The following BCAT1 variants were observed in gnomAD, a reference collection of about 807,000 sequenced individuals.
BCAT1 encodes the protein branched chain amino acid transaminase 1, also known as branched-chain-amino-acid aminotransferase, cytosolic.
A neutral mutation model predicts 52.4 loss-of-function variants in BCAT1; 48 were observed. The observed-to-expected ratio is 0.92, with a 90% CI of 0.73 to 1.16. The LOEUF (loss-of-function observed/expected upper bound fraction) is 1.16. Among genes scored for constraint, BCAT1 ranks in the 50% most tolerant of loss-of-function variants. The pLI, the probability that BCAT1 is intolerant of heterozygous loss-of-function variation, is 0.00. For synonymous variants in BCAT1, 167 were observed against 161.3 expected (o/e 1.04, Z -0.27); for missense variants, 451 against 457.1 (o/e 0.99, Z 0.12).
intron 4 of BCAT1, among the ~76,000 whole-genome samples, chr12:24,879,974 G>A (rs1339691129): frequency 2.6e-5 from 4 of 152,120 alleles, no homozygotes; most frequent in African/African-American, 9.7e-5. Flanking sequence ...CAGTGATCTA[G>A]CTGTAATGAG....
At chr12:24,886,799 C>G (rs1942673117) in intron 3 of BCAT1, among the ~76,000 whole-genome samples, 1 of 148,832 alleles carries the variant, frequency 6.7e-6, no homozygotes. Context: ...GAGTTCAACA[C>G]CAGCCTGGGC....
intron 5 of BCAT1, among the ~76,000 whole-genome samples, chr12:24,853,070 G>A (rs1941562064): frequency 6.6e-6 from 1 of 152,104 alleles, no homozygotes; most frequent in East Asian, 1.9e-4. Context: ...CTTCTAGCCT[G>A]AAAAGCAATC....
At chr12:24,891,154 C>G (rs1278241168) in intron 3 of BCAT1, among the ~76,000 whole-genome samples, 1 of 152,154 alleles carries the variant, frequency 6.6e-6, no homozygotes, top group Non-Finnish European at 1.5e-5. Flanking sequence ...CTGACACATA[C>G]AGATTTTGGG....
At chr12:24,908,964 A>T (rs554941348) in intron 1 of BCAT1, among the ~76,000 whole-genome samples, 11 of 152,302 alleles carry the variant, frequency 7.2e-5, no homozygotes, top group African/African-American at 2.4e-4. Flanking sequence ...CAACATGAAG[A>T]TATCTATAAA....
chr12:24,889,758 G>A (rs1591843095), intron 3 of BCAT1, among the ~76,000 whole-genome samples: 1 of 152,158 alleles, frequency 6.6e-6, no homozygotes, highest in Non-Finnish European at 1.5e-5. Context: ...CGGAGGCAGA[G>A]GCGGGAGGCT....
At chr12:24,876,260 T>TAAAAA (rs71448093) in intron 5 of BCAT1, among the ~76,000 whole-genome samples, 16 of 109,670 alleles carry the variant, frequency 1.5e-4, no homozygotes, top group South Asian at 3.2e-4. Context: ...GAGGGAGATG[T>TAAAAA]AAAAAAAAAA....
rs1173685560 is a variant in BCAT1 at position 24,814,664 on chromosome 12, A to G, written c.*3344T>C. ...GCTTAGGTAAATTTTATGAAGCAAC[A>G]AAACTAATATGGTGAAGAATTTTAA... On this transcript the variant is annotated 3_prime_UTR_variant, in exon 11 of 11. Coordinates refer to ENST00000261192, the MANE Select transcript of BCAT1 (RefSeq NM_005504.7). 6.6e-6 allele frequency: 1 copy of G among 152,160 alleles called. No homozygotes were observed. Among genetic ancestry groups the G allele is most frequent in the Non-Finnish European group, 1.5e-5 (1 of 68,020 alleles). 9.4% of individuals were successfully genotyped at this position (152,160 alleles called of 1,614,324 possible). A position where few individuals can be genotyped will look rare whatever the true frequency, so the allele number is the denominator to read the frequency against.
chr12:24,909,468 G>A (rs936231222), intron 1 of BCAT1, among the ~76,000 whole-genome samples: 4 of 152,168 alleles, frequency 2.6e-5, no homozygotes, highest in East Asian at 1.9e-4. Flanking sequence ...TGCCTAGGAC[G>A]GTAGTAACAA....
intron 8 of BCAT1, chr12:24,834,366 G>A (rs1315208074): frequency 1.0e-6 from 1 of 984,922 alleles, no homozygotes; most frequent in Admixed American, 6.1e-5. Flanking sequence ...TTCTGCCAAA[G>A]TGTTTGAATA....
intron 5 of BCAT1, among the ~76,000 whole-genome samples, chr12:24,856,666 A>C (rs984241188): frequency 6.6e-6 from 1 of 152,136 alleles, no homozygotes; most frequent in Non-Finnish European, 1.5e-5. Flanking sequence ...CTCATCTTGG[A>C]CTTCTAGACT....
At chr12:24,852,951 A>C (rs1169271946) in intron 5 of BCAT1, among the ~76,000 whole-genome samples, 2 of 152,244 alleles carry the variant, frequency 1.3e-5, no homozygotes, top group African/African-American at 4.8e-5. Context: ...CAGTGCTTTA[A>C]GACAATGAAT....
intron 7 of BCAT1, among the ~76,000 whole-genome samples, chr12:24,836,903 A>T (rs1940967661): frequency 2.5e-5 from 1 of 40,774 alleles, no homozygotes; most frequent in Non-Finnish European, 5.0e-5. Flanking sequence ...GAAAGAAAAG[A>T]AAGAGAGAAA....
In BCAT1 at chr12:24,898,082, G is replaced by T. The variant is rs369503925; in HGVS notation, c.79-3607C>A. Among the ~76,000 whole-genome samples, 18 of 152,244 alleles carry T rather than the reference G, an allele frequency of 1.2e-4. No homozygotes were observed. The East Asian group carries it at 2.7e-3, about 23-fold the overall frequency. ...GCTGAAGACATGTGACTCGTTTGGG[G>T]CAGATATGAAATGTAGTTTTAAGGG... On this transcript the variant is annotated intron_variant, in intron 2 of 10. Coordinates refer to ENST00000261192, the MANE Select transcript of BCAT1 (RefSeq NM_005504.7).
chr12:24,921,822 C>G (rs1409327261), intron 1 of BCAT1, among the ~76,000 whole-genome samples: 1 of 152,192 alleles, frequency 6.6e-6, no homozygotes, highest in Non-Finnish European at 1.5e-5. Flanking sequence ...CCTGCTCCTT[C>G]CTCACCTCTG....
intron 5 of BCAT1, among the ~76,000 whole-genome samples, chr12:24,868,849 C>G (rs959081598): frequency 6.6e-6 from 1 of 152,198 alleles, no homozygotes; most frequent in Non-Finnish European, 1.5e-5. Flanking sequence ...AAGCAAGACA[C>G]AGACACAGAA....
At chr12:24,879,841 G>A (rs1353373644) in intron 4 of BCAT1, among the ~76,000 whole-genome samples, 1 of 152,132 alleles carries the variant, frequency 6.6e-6, no homozygotes, top group African/African-American at 2.4e-5. Context: ...TCTTAGCAAC[G>A]CCTTACTGCT....
chr12:24,841,620 C>T (rs527704630), intron 7 of BCAT1, among the ~76,000 whole-genome samples: 28 of 152,200 alleles, frequency 1.8e-4, no homozygotes, highest in African/African-American at 6.3e-4. Context: ...AATCGAAACT[C>T]GGCCGGGTGC....
intron 3 of BCAT1, among the ~76,000 whole-genome samples, chr12:24,886,993 G>T (rs2049510245): frequency 7.2e-6 from 1 of 139,040 alleles, no homozygotes; most frequent in African/African-American, 2.7e-5. Flanking sequence ...AACCCAGGAG[G>T]TGGAGATTAC....
At chr12:24,908,497 G>A (rs1048540541) in intron 1 of BCAT1, among the ~76,000 whole-genome samples, 3 of 152,328 alleles carry the variant, frequency 2.0e-5, no homozygotes, top group Non-Finnish European at 4.4e-5. Flanking sequence ...CCCACTTTAG[G>A]AGGGTGAGGC....
Sources: allele counts gnomAD v4.1 joint callset (sites outside exome capture counted in the v4.1 genomes callset), GRCh38; gene constraint gnomAD v4.1.1; transcripts MANE v1.5; gene names NCBI Gene and HGNC (gene_info 2026-07-23, HGNC 2026-07-21).